Variants in MAP2K6 observed in about 807,000 individuals in gnomAD.
MAP2K6 encodes the protein dual specificity mitogen-activated protein kinase kinase 6.
Under a neutral mutation model 53.7 loss-of-function variants are expected in MAP2K6, and 16 were observed. That is an observed-to-expected ratio of 0.30 (90% CI 0.20 to 0.45). The LOEUF (loss-of-function observed/expected upper bound fraction) is 0.45. Among genes scored for constraint, MAP2K6 ranks in the 20% least tolerant of loss-of-function variants. The probability of loss-of-function intolerance (pLI) is 1.00; values close to 1 mark genes in which losing one functional copy is unlikely to be tolerated. For missense variants in MAP2K6, 204 were observed against 411.9 expected, an observed-to-expected ratio of 0.50 and a Z score of 4.37; for synonymous variants, 132 against 143.1, an observed-to-expected ratio of 0.92 and a Z score of 0.55.
At chr17:69,487,370 A>G (rs979653197) in intron 1 of MAP2K6, among the ~76,000 whole-genome samples, 22 of 152,222 alleles carry the variant, frequency 1.4e-4, no homozygotes, top group African/African-American at 5.3e-4. Flanking sequence ...AAATTAAGCA[A>G]TTCGTGTGAA....
intron 7 of MAP2K6, 151 bp from the exon 8 acceptor site, chr17:69,523,362 AC>A: frequency 1.2e-6 from 1 of 825,438 alleles, no homozygotes; most frequent in South Asian, 1.6e-5. Flanking sequence ...GCTGTTGTTA[AC>A]TGTGGGTCAG....
chr17:69,520,731 G>A (rs999241961), intron 6 of MAP2K6: 10 of 377,694 alleles, frequency 2.6e-5, no homozygotes, highest in Non-Finnish European at 3.3e-5. Flanking sequence ...ATAGAAGAAA[G>A]CAGAAGGAAA....
intron 1 of MAP2K6, among the ~76,000 whole-genome samples, chr17:69,503,728 T>A (rs919773277): frequency 2.6e-5 from 4 of 152,200 alleles, no homozygotes; most frequent in Non-Finnish European, 4.4e-5. Context: ...TTAAAAAAAA[T>A]GAGACAGTAC....
At chr17:69,464,519 C>G (rs958047231) in intron 1 of MAP2K6, among the ~76,000 whole-genome samples, 7 of 152,048 alleles carry the variant, frequency 4.6e-5, no homozygotes, top group Admixed American at 2.6e-4. Context: ...GTAGCTGGGA[C>G]TACAGGCGTG....
At position 69,542,895 on chromosome 17, in the gene MAP2K6, A is replaced by G. The variant is rs1406479601; in HGVS notation, c.*1142A>G. ...AGGAGAAAATGAAAGGTAGTGAGTA[A>G]TTCTTTGATAAGATGAGGAAATAAT... On this transcript the variant is annotated 3_prime_UTR_variant, in exon 12 of 12. Coordinates refer to ENST00000590474, the MANE Select transcript of MAP2K6 (RefSeq NM_002758.4). 6.6e-6 allele frequency: 1 copy of G among 152,242 alleles called. No homozygotes were observed. The highest frequency in any genetic ancestry group is 1.5e-5 in the Non-Finnish European group (1 of 68,042). 9.4% of individuals were successfully genotyped at this position (152,242 alleles called of 1,614,324 possible).
chr17:69,427,597 C>T (rs1235089987), intron 1 of MAP2K6, among the ~76,000 whole-genome samples: 1 of 152,152 alleles, frequency 6.6e-6, no homozygotes, highest in Non-Finnish European at 1.5e-5. Flanking sequence ...TTCTTTCCCT[C>T]AATAACTCCA....
At chr17:69,445,532 A>G (rs749579182) in intron 1 of MAP2K6, among the ~76,000 whole-genome samples, 5 of 152,214 alleles carry the variant, frequency 3.3e-5, no homozygotes, top group Non-Finnish European at 7.3e-5. Context: ...AGAAGAATAC[A>G]TATTTTTCTT....
intron 1 of MAP2K6, among the ~76,000 whole-genome samples, chr17:69,420,971 A>G (rs1365004997): frequency 6.6e-6 from 1 of 152,208 alleles, no homozygotes; most frequent in Non-Finnish European, 1.5e-5. Flanking sequence ...TACAGCTGCA[A>G]GTTTTAACCA....
At position 69,502,548 on chromosome 17, in the gene MAP2K6, CTTG is replaced by C. The variant is rs1470829876; in HGVS notation, c.17-3226_17-3224del. On this transcript the variant is annotated intron_variant, in intron 1 of 11. Transcript: ENST00000590474. The stretch of plus-strand genomic sequence containing the variant: ...GTGTCTCCTGGATCTATTTTTTTTT[CTTG>C]TTGTTCTGAGGAGCTGATATACTTG... 4 of 984,640 alleles carry C rather than the reference CTTG, an allele frequency of 4.1e-6. No homozygotes were observed. The South Asian group carries it at 1.4e-4, about 35-fold the overall frequency. 61.0% of individuals were successfully genotyped at this position (984,640 alleles called of 1,614,324 possible).
At chr17:69,520,199 G>GTTTT in intron 5 of MAP2K6, 71 bp from the exon 6 acceptor site, 2 of 633,230 alleles carry the variant, frequency 3.2e-6, no homozygotes, top group African/African-American at 1.9e-5. Context: ...AGGGTTTACT[G>GTTTT]TTTTTTTTTT....
chr17:69,553,310 G>A lies in MAP2K6; in HGVS notation c.*11557G>A, dbSNP rs1912170567. On this transcript the variant is annotated 3_prime_UTR_variant, in exon 12 of 12. Coordinates refer to ENST00000590474, the MANE Select transcript of MAP2K6 (RefSeq NM_002758.4). ...TCCAAGATCATATTTTTAAAAAGTA[G>A]GTTTCTGATGTGCCATGAAATATTT... The A allele has an allele frequency of 6.6e-6, 1 of 152,074 alleles. No individual in the cohort carries two copies. Among genetic ancestry groups the A allele is most frequent in the Admixed American group, 6.6e-5 (1 of 15,266 alleles). The allele number at this position is 152,074 out of a possible 1,614,324, so 9.4% of individuals were successfully genotyped here. A position where few individuals can be genotyped will look rare whatever the true frequency, so the allele number is the denominator to read the frequency against.
intron 1 of MAP2K6, among the ~76,000 whole-genome samples, chr17:69,460,859 CA>C (rs765793901): frequency 1.3e-5 from 2 of 152,172 alleles, no homozygotes; most frequent in African/African-American, 2.4e-5. Flanking sequence ...CTTGGCCTCC[CA>C]AGGTGCTGGG....
At chr17:69,436,485 T>G (rs1352959382) in intron 1 of MAP2K6, among the ~76,000 whole-genome samples, 1 of 152,238 alleles carries the variant, frequency 6.6e-6, no homozygotes, top group Non-Finnish European at 1.5e-5. Flanking sequence ...CAATGTTTTA[T>G]CCTCAGATTC....
intron 1 of MAP2K6, among the ~76,000 whole-genome samples, chr17:69,447,015 T>C (rs1906991362): frequency 6.6e-6 from 1 of 151,246 alleles, no homozygotes; most frequent in South Asian, 2.1e-4. Context: ...TTCACTCTTG[T>C]TGCCCAGGCT....
intron 1 of MAP2K6, among the ~76,000 whole-genome samples, chr17:69,484,553 G>T (rs1208231835): frequency 6.6e-6 from 1 of 151,982 alleles, no homozygotes; most frequent in African/African-American, 2.4e-5. Context: ...GTTACTGTTG[G>T]ACCTAGCAAT....
rs1208331927 is a variant in MAP2K6, at chr17:69,526,562, T to C, written c.742-8T>C. On this transcript the variant is annotated splice_polypyrimidine_tract_variant and splice_region_variant and intron_variant, in intron 9 of 11. Coordinates refer to ENST00000590474, the MANE Select transcript of MAP2K6 (RefSeq NM_002758.4). ...AACTGTTGTCTCCTTTTTTCTTCTT[T>C]TCTCCAGATTGAGTTGGCCATCCTT... The C allele has an allele frequency of 1.9e-6, 3 of 1,612,816 alleles. No individual in the cohort carries two copies. The highest frequency in any genetic ancestry group is 3.5e-4 in the Middle Eastern group (2 of 5,754).
At chr17:69,428,710 G>A (rs1906349154) in intron 1 of MAP2K6, among the ~76,000 whole-genome samples, 1 of 152,140 alleles carries the variant, frequency 6.6e-6, no homozygotes, top group South Asian at 2.1e-4. Flanking sequence ...CTCAGCCTGG[G>A]AAGATCAGGA....
At chr17:69,532,821 C>G (rs367972032) in intron 10 of MAP2K6, among the ~76,000 whole-genome samples, 1 of 152,162 alleles carries the variant, frequency 6.6e-6, no homozygotes, top group African/African-American at 2.4e-5. Context: ...AAGGAATAGC[C>G]TATTGACCAG....
At chr17:69,438,016 G>A (rs1461058162) in intron 1 of MAP2K6, among the ~76,000 whole-genome samples, 8 of 152,236 alleles carry the variant, frequency 5.3e-5, no homozygotes, top group Non-Finnish European at 7.3e-5. Context: ...CGCTGAAAAA[G>A]TAGCCAATAA....
Sources: allele counts gnomAD v4.1 joint callset (sites outside exome capture counted in the v4.1 genomes callset), GRCh38; gene constraint gnomAD v4.1.1; transcripts MANE v1.5; gene names NCBI Gene and HGNC (gene_info 2026-07-23, HGNC 2026-07-21).